The following PAM variants were observed in gnomAD, a reference collection of about 807,000 sequenced individuals.
PAM encodes the protein peptidyl-glycine alpha-amidating monooxygenase.
A neutral mutation model predicts 122.1 loss-of-function variants in PAM; 72 were observed. That is an observed-to-expected ratio of 0.59 (90% CI 0.49 to 0.72). The LOEUF is 0.72. Ranked by LOEUF, PAM falls within the 30% of genes least tolerant of loss-of-function variation. The pLI, the probability that PAM is intolerant of heterozygous loss-of-function variation, is 0.00. For synonymous variants in PAM, 389 were observed against 404.4 expected (o/e 0.96, Z 0.46); for missense variants, 1,106 against 1,183.7 (o/e 0.93, Z 0.96).
chr5:102,851,416 T>G (rs1220593309), intron 1 of PAM, among the ~76,000 whole-genome samples: 1 of 152,182 alleles, frequency 6.6e-6, no homozygotes, highest in Non-Finnish European at 1.5e-5. Flanking sequence ...TAATGAGCCT[T>G]TATCTCATTA....
At chr5:102,836,894 GA>G (rs1333651016) in intron 1 of PAM, among the ~76,000 whole-genome samples, 2 of 151,766 alleles carry the variant, frequency 1.3e-5, no homozygotes, top group African/African-American at 4.8e-5. Context: ...GAGAGAGAGA[GA>G]GAGGTGCAAA....
At chr5:102,993,908 G>C (rs1774910315) in intron 16 of PAM, among the ~76,000 whole-genome samples, 1 of 152,220 alleles carries the variant, frequency 6.6e-6, no homozygotes, top group African/African-American at 2.4e-5. Context: ...CGTTAAACCA[G>C]TTATTTTGGG....
At chr5:102,809,352 C>CAAAAAAA (rs11302898) in intron 1 of PAM, among the ~76,000 whole-genome samples, 2 of 126,240 alleles carry the variant, frequency 1.6e-5, no homozygotes, top group African/African-American at 3.0e-5. Context: ...CTGTCTCTAC[C>CAAAAAAA]AAAAAAAAAA....
chr5:102,979,144 A>G (rs1320012449), intron 15 of PAM, among the ~76,000 whole-genome samples: 1 of 152,052 alleles, frequency 6.6e-6, no homozygotes, highest in African/African-American at 2.4e-5. Context: ...TCAGGCTACA[A>G]TTGTAATAAC....
intron 1 of PAM, among the ~76,000 whole-genome samples, chr5:102,799,607 C>T (rs1311784376): frequency 6.6e-6 from 1 of 152,082 alleles, no homozygotes; most frequent in Non-Finnish European, 1.5e-5. Context: ...AGAAAAGTGC[C>T]AAAATGAAAC....
At chr5:102,776,279 G>A (rs116378407) in intron 1 of PAM, among the ~76,000 whole-genome samples, 11 of 152,084 alleles carry the variant, frequency 7.2e-5, no homozygotes, top group African/African-American at 2.4e-4. Flanking sequence ...CTCTCATTCC[G>A]TAGGTTATCT....
chr5:102,960,319 AC>A (rs1018411901), intron 13 of PAM, among the ~76,000 whole-genome samples: 10 of 151,982 alleles, frequency 6.6e-5, no homozygotes. Flanking sequence ...ATAAATGTAG[AC>A]CTTTTTTCAC....
intron 13 of PAM, among the ~76,000 whole-genome samples, chr5:102,960,429 C>T (rs1303889499): frequency 2.0e-5 from 3 of 152,134 alleles, no homozygotes; most frequent in Non-Finnish European, 2.9e-5. Context: ...AAGATCACTA[C>T]AGTTTGCCAG....
At chr5:102,966,924 A>G (rs1764248032) in intron 14 of PAM, among the ~76,000 whole-genome samples, 1 of 152,134 alleles carries the variant, frequency 6.6e-6, no homozygotes, top group Non-Finnish European at 1.5e-5. Flanking sequence ...TCTGAGAGGT[A>G]TTTGATCATT....
chr5:102,909,182 C>G (rs115209980), intron 4 of PAM, among the ~76,000 whole-genome samples: 1 of 151,592 alleles, frequency 6.6e-6, no homozygotes, highest in Admixed American at 6.6e-5. Context: ...AAAATACAAA[C>G]AGTCTTAGAA....
chr5:102,963,298 A>G (rs1483640494), intron 14 of PAM, among the ~76,000 whole-genome samples: 7 of 151,992 alleles, frequency 4.6e-5, no homozygotes, highest in Non-Finnish European at 1.0e-4. Flanking sequence ...TACAACACAT[A>G]GGGCAAATCT....
intron 1 of PAM, among the ~76,000 whole-genome samples, chr5:102,842,677 G>T (rs1248475385): frequency 6.6e-6 from 1 of 152,200 alleles, no homozygotes; most frequent in Non-Finnish European, 1.5e-5. Context: ...AATGGGTGTT[G>T]TGTGAGTTAG....
chr5:103,018,835 C>T (rs1373765617), intron 22 of PAM, among the ~76,000 whole-genome samples: 1 of 152,162 alleles, frequency 6.6e-6, no homozygotes, highest in Non-Finnish European at 1.5e-5. Flanking sequence ...GGACCAGTTT[C>T]ATGGAAGACA....
intron 3 of PAM, among the ~76,000 whole-genome samples, chr5:102,887,070 T>A (rs545353787): frequency 1.3e-4 from 20 of 152,102 alleles, no homozygotes; most frequent in African/African-American, 4.8e-4. Flanking sequence ...AAATATTTGT[T>A]AGGGATTGAT....
chr5:103,025,509 C>T (rs911976997), intron 24 of PAM, 175 bp downstream of exon 24: 20 of 644,022 alleles, frequency 3.1e-5, no homozygotes, highest in African/African-American at 2.4e-4. Flanking sequence ...TAGTTAATAT[C>T]ACAGTACAAA....
rs1468534014 is a variant in PAM, at chr5:102,865,954, C to A, written c.-242C>A. 7.0e-6 allele frequency: 3 copies of A among 428,710 alleles called. No individual in the cohort carries two copies. Among genetic ancestry groups the A allele is most frequent in the Non-Finnish European group, 1.2e-5 (3 of 245,936 alleles). 26.6% of individuals were successfully genotyped at this position (428,710 alleles called of 1,614,324 possible). ...GCGGCGCTGGAGGGAGGAAAGCTTC[C>A]GCCTGCGGGCCGGACAAAAGTCCCG... On this transcript the variant is annotated 5_prime_UTR_variant, in exon 2 of 26. Transcript: ENST00000438793.
intron 1 of PAM, among the ~76,000 whole-genome samples, chr5:102,760,493 G>C (rs774842121): frequency 1.3e-5 from 2 of 152,190 alleles, no homozygotes; most frequent in African/African-American, 2.4e-5. Flanking sequence ...TTAAATTTAA[G>C]TATAAATTAA....
chr5:102,969,020 T>C (rs980671567), intron 14 of PAM, among the ~76,000 whole-genome samples: 4 of 151,364 alleles, frequency 2.6e-5, no homozygotes, highest in South Asian at 4.2e-4. Context: ...TTCTCACTCA[T>C]AAGTGGGAGG....
chr5:103,003,844 C>G (rs1778136403), intron 17 of PAM, among the ~76,000 whole-genome samples: 1 of 151,964 alleles, frequency 6.6e-6, no homozygotes, highest in South Asian at 2.1e-4. Context: ...TTTTCCGTCT[C>G]AAAGTGAATA....
Sources: allele counts gnomAD v4.1 joint callset (sites outside exome capture counted in the v4.1 genomes callset), GRCh38; gene constraint gnomAD v4.1.1; transcripts MANE v1.5; gene names NCBI Gene and HGNC (gene_info 2026-07-23, HGNC 2026-07-21).